The following PCDHA7 variants were observed in gnomAD, a reference collection of about 807,000 sequenced individuals.
PCDHA7 encodes protocadherin alpha-7.
A neutral mutation model predicts 57.2 loss-of-function variants in PCDHA7; 37 were observed. The observed-to-expected ratio is 0.65, with a 90% CI of 0.50 to 0.85. The LOEUF (loss-of-function observed/expected upper bound fraction) is 0.85, where lower values mean the gene tolerates loss of function less well. Ranked by LOEUF, PCDHA7 falls within the 40% of genes least tolerant of loss-of-function variation. The pLI, the probability that PCDHA7 is intolerant of heterozygous loss-of-function variation, is 0.00. For synonymous variants in PCDHA7, 553 were observed against 558.8 expected (o/e 0.99, Z 0.15); for missense variants, 1,188 against 1,241.8 (o/e 0.96, Z 0.65).
At chr5:140,846,705 G>A (rs1780632800) in intron 1 of PCDHA7, among the ~76,000 whole-genome samples, 1 of 149,244 alleles carries the variant, frequency 6.7e-6, no homozygotes, top group Non-Finnish European at 1.5e-5. Context: ...AGAGAAGATT[G>A]TAATAACCAG....
intron 1 of PCDHA7, chr5:140,926,589 G>A: frequency 3.4e-6 from 1 of 292,780 alleles, no homozygotes; most frequent in Non-Finnish European, 6.2e-6. Context: ...TCTCGCGCCC[G>A]GGCGGGCGGC....
At chr5:140,843,305 A>C (rs2150356964) in intron 1 of PCDHA7, 9 of 1,595,822 alleles carry the variant, frequency 5.6e-6, no homozygotes, top group Non-Finnish European at 7.7e-6. Flanking sequence ...GCTGACCGCC[A>C]CGGCCACGGT....
At chr5:140,851,138 G>T in intron 1 of PCDHA7, 2 of 1,312,402 alleles carry the variant, frequency 1.5e-6, no homozygotes, top group Non-Finnish European at 2.0e-6. Context: ...TGTGATTAAA[G>T]TGACATTGAA....
At chr5:140,901,909 C>T (rs2068974930) in intron 1 of PCDHA7, among the ~76,000 whole-genome samples, 1 of 151,454 alleles carries the variant, frequency 6.6e-6, no homozygotes, top group African/African-American at 2.4e-5. Context: ...TTGTGGAGAT[C>T]TTTCACTTCT....
chr5:140,910,708 A>G (rs1227801513), intron 1 of PCDHA7, among the ~76,000 whole-genome samples: 2 of 152,164 alleles, frequency 1.3e-5, no homozygotes, highest in African/African-American at 4.8e-5. Context: ...ACAGTGGGCC[A>G]TCTTTTAATC....
chr5:140,882,263 T>G (rs1554173290), intron 1 of PCDHA7: 3 of 1,604,900 alleles, frequency 1.9e-6, no homozygotes. Context: ...GTTTTTGGAG[T>G]GTACCATGCT....
At chr5:140,993,793 T>C (rs2097582526) in intron 3 of PCDHA7, among the ~76,000 whole-genome samples, 1 of 152,184 alleles carries the variant, frequency 6.6e-6, no homozygotes, top group African/African-American at 2.4e-5. Context: ...TAACATGCTG[T>C]GCAGGTTTGT....
chr5:140,920,640 T>C (rs1554199754), intron 1 of PCDHA7, among the ~76,000 whole-genome samples: 1 of 152,038 alleles, frequency 6.6e-6, no homozygotes, highest in African/African-American at 2.4e-5. Context: ...GGTCAAGAGA[T>C]TGAGACCATC....
intron 1 of PCDHA7, among the ~76,000 whole-genome samples, chr5:140,925,706 T>C (rs371734955): frequency 2.0e-5 from 3 of 151,422 alleles, no homozygotes; most frequent in Admixed American, 6.6e-5. Context: ...AGCCTATTCT[T>C]ATCCTGCCTC....
intron 1 of PCDHA7, among the ~76,000 whole-genome samples, chr5:140,955,118 G>C (rs2095139401): frequency 6.6e-6 from 1 of 152,058 alleles, no homozygotes; most frequent in African/African-American, 2.4e-5. Flanking sequence ...TCTCTATTCT[G>C]TTCCACTGGT....
chr5:140,985,039 G>A lies in PCDHA7; in HGVS notation c.2503+2476G>A, dbSNP rs112093918. Among the ~76,000 whole-genome samples the A allele has an allele frequency of 5.2e-3, 789 of 152,178 alleles. 6 individuals carry two copies. Among genetic ancestry groups the A allele is most frequent in the African/African-American group, 0.018 (750 of 41,516 alleles). ...AGCAACCTCTGCCTCCTGGGTTCAA[G>A]TGATTCTCCTGCCTCAGCCTCCTGA... On this transcript the variant is annotated intron_variant, in intron 3 of 3. Transcript: ENST00000525929.
At chr5:140,921,379 T>C (rs1186418255) in intron 1 of PCDHA7, among the ~76,000 whole-genome samples, 1 of 152,180 alleles carries the variant, frequency 6.6e-6, no homozygotes, top group Non-Finnish European at 1.5e-5. Context: ...TTTCTACATA[T>C]TTGATAAACA....
intron 1 of PCDHA7, among the ~76,000 whole-genome samples, chr5:140,913,421 A>T (rs2076328410): frequency 6.6e-6 from 1 of 152,144 alleles, no homozygotes; most frequent in Non-Finnish European, 1.5e-5. Flanking sequence ...CTGCAGTATC[A>T]GTTGTAATGC....
At chr5:140,929,050 C>T (rs946542782) in intron 1 of PCDHA7, 11 of 1,614,026 alleles carry the variant, frequency 6.8e-6, no homozygotes, top group African/African-American at 5.3e-5. Flanking sequence ...GAGCTGCTGT[C>T]GCTCTACAGA....
intron 1 of PCDHA7, among the ~76,000 whole-genome samples, chr5:140,933,324 G>A (rs563163291): frequency 5.3e-5 from 8 of 151,904 alleles, no homozygotes; most frequent in Non-Finnish European, 1.2e-4. Context: ...GTATTCTCCT[G>A]TGCTGTAGAG....
chr5:140,921,932 T>C (rs1249285993), intron 1 of PCDHA7, among the ~76,000 whole-genome samples: 1 of 152,080 alleles, frequency 6.6e-6, no homozygotes, highest in Non-Finnish European at 1.5e-5. Context: ...ATAGTCAATA[T>C]AATTTTACAC....
intron 1 of PCDHA7, among the ~76,000 whole-genome samples, chr5:140,941,551 G>A (rs1247023682): frequency 4.0e-5 from 6 of 151,616 alleles, no homozygotes; most frequent in Non-Finnish European, 8.8e-5. Flanking sequence ...TCCTGACCTC[G>A]TGATCCATTC....
chr5:140,904,328 C>T (rs1469107868), intron 1 of PCDHA7, among the ~76,000 whole-genome samples: 2 of 151,958 alleles, frequency 1.3e-5, no homozygotes, highest in South Asian at 2.1e-4. Flanking sequence ...ATAATGGTCT[C>T]CAGTTCCATC....
chr5:140,869,591 A>G (rs782105068), intron 1 of PCDHA7: 2 of 1,614,020 alleles, frequency 1.2e-6, no homozygotes, highest in Non-Finnish European at 1.7e-6. Flanking sequence ...GCTGACATTG[A>G]AGAGAATGCT....
Sources: allele counts gnomAD v4.1 joint callset (sites outside exome capture counted in the v4.1 genomes callset), GRCh38; gene constraint gnomAD v4.1.1; transcripts MANE v1.5; gene names NCBI Gene and HGNC (gene_info 2026-07-23, HGNC 2026-07-21).